OPA1: variants seen among roughly 807,000 people sequenced by gnomAD.
OPA1 encodes dynamin-like GTPase OPA1, mitochondrial.
In OPA1, 59 loss-of-function variants were observed where a neutral mutation model predicts 152.9. The ratio of observed to expected loss-of-function variants is 0.39; its 90% CI spans 0.31 to 0.48. OPA1 has a LOEUF of 0.48. Among genes scored for constraint, OPA1 ranks in the 20% least tolerant of loss-of-function variants. OPA1 has a pLI of 0.96. For synonymous variants in OPA1, 400 were observed against 389.9 expected, an observed-to-expected ratio of 1.03 and a Z score of -0.31; for missense variants, 1,008 against 1,216.8, an observed-to-expected ratio of 0.83 and a Z score of 2.55.
rs1001718459 is a variant in OPA1 at position 193,645,939 on chromosome 3, T to C, written c.1754+139T>C. On this transcript the variant is annotated intron_variant, in intron 18 of 30. Transcript: ENST00000361510. ...AGAATTTTTCCCAAATAGTGAACTG[T>C]ATCTAATAAACAAGTCCTTAGCTAC... 46 of 726,720 alleles carry C rather than the reference T, an allele frequency of 6.3e-5. No individual in the cohort carries two copies. The East Asian group carries it at 1.1e-3, about 17-fold the overall frequency. 45.0% of individuals were successfully genotyped at this position (726,720 alleles called of 1,614,324 possible).
intron 1 of OPA1, among the ~76,000 whole-genome samples, chr3:193,601,470 A>C (rs112686417): frequency 0.03 from 4,588 of 152,286 alleles, 67 homozygotes; most frequent in African/African-American, 0.036. Context: ...CAGGGGTTGG[A>C]AAAGGGGGCC....
intron 7 of OPA1, among the ~76,000 whole-genome samples, chr3:193,630,844 A>T (rs1252597510): frequency 6.6e-6 from 1 of 151,254 alleles, no homozygotes; most frequent in Admixed American, 6.7e-5. Context: ...CCTGTTATAA[A>T]ATAAAATTGT....
intron 29 of OPA1, among the ~76,000 whole-genome samples, chr3:193,677,927 T>C (rs1415606583): frequency 2.6e-5 from 4 of 152,188 alleles, no homozygotes; most frequent in Non-Finnish European, 4.4e-5. Flanking sequence ...TCCTCAGTGG[T>C]TGGGGGATTC....
At chr3:193,644,707 G>GA (rs1385073201) in intron 16 of OPA1, among the ~76,000 whole-genome samples, 1 of 152,142 alleles carries the variant, frequency 6.6e-6, no homozygotes, top group Admixed American at 6.5e-5. Flanking sequence ...CTGATATGGA[G>GA]AAGGGGAGAA....
intron 29 of OPA1, among the ~76,000 whole-genome samples, chr3:193,683,801 T>G (rs763150351): frequency 2.0e-5 from 3 of 152,222 alleles, no homozygotes; most frequent in African/African-American, 4.8e-5. Flanking sequence ...TATTACACAC[T>G]TAATATATTA....
intron 6 of OPA1, among the ~76,000 whole-genome samples, chr3:193,625,658 A>C (rs1168561687): frequency 6.6e-6 from 1 of 152,138 alleles, no homozygotes; most frequent in Non-Finnish European, 1.5e-5. Context: ...ATATCAAGAA[A>C]AAATACTAAC....
At position 193,643,958 on chromosome 3, in the gene OPA1, T is replaced by C. The variant is rs1342219354; in HGVS notation, c.1478-17T>C. 4 of 1,613,126 alleles carry C rather than the reference T, an allele frequency of 2.5e-6. No individual in the cohort carries two copies. In the South Asian group the frequency reaches 4.4e-5, roughly 18 times the overall value. ...ACATCTTAAAATTCCACAGTGTCATTTTTTTATTTTTTTCAGATGGATCTG... is the reference window on the plus strand; with the variant it reads ...ACATCTTAAAATTCCACAGTGTCATCTTTTTATTTTTTTCAGATGGATCTG... On this transcript the variant is annotated splice_polypyrimidine_tract_variant and intron_variant, in intron 15 of 30. Coordinates refer to ENST00000361510, the MANE Select transcript of OPA1 (RefSeq NM_130837.3).
intron 20 of OPA1, 80 bp downstream of exon 20, chr3:193,648,214 A>G (rs996753379): frequency 9.1e-7 from 1 of 1,102,570 alleles, no homozygotes; most frequent in Non-Finnish European, 1.4e-6. Context: ...TGAGAGAAAA[A>G]TCTGATAAGC....
At chr3:193,643,183 A>G in intron 13 of OPA1, 134 bp downstream of exon 13, 1 of 911,408 alleles carries the variant, frequency 1.1e-6, no homozygotes, top group Non-Finnish European at 1.7e-6. Context: ...AAAAATCCAA[A>G]TAATATATCA....
Position 193,676,562 on chromosome 3 carries a change from C to T in OPA1, c.2983+9282C>T, listed in dbSNP as rs1384479033. Among the ~76,000 whole-genome samples, 5 of 152,312 alleles carry T rather than the reference C, an allele frequency of 3.3e-5. No individual in the cohort carries two copies. In the South Asian group the frequency reaches 6.2e-4, roughly 19 times the overall value. The stretch of plus-strand genomic sequence containing the variant: ...TCTCTGTTAGAGAAGTGGTTATTTA[C>T]ACACAGAATTCCACATGACAACGCC... On this transcript the variant is annotated intron_variant, in intron 29 of 30. Transcript: ENST00000361510.
chr3:193,656,321 C>CCACT (rs1263409577), intron 22 of OPA1, among the ~76,000 whole-genome samples: 1 of 152,142 alleles, frequency 6.6e-6, no homozygotes, highest in Non-Finnish European at 1.5e-5. Flanking sequence ...ACTCACCCCA[C>CCACT]CACTCACTCC....
At position 193,696,991 on chromosome 3, in the gene OPA1, T is replaced by C. The variant is rs11719309; in HGVS notation, c.*2391T>C. ...TTGCCCTCTTTGTATTCCCATTTTC[T>C]ACAGTTTTTTCCGCAGACTTCTTTC... On this transcript the variant is annotated 3_prime_UTR_variant, in exon 31 of 31. Coordinates refer to ENST00000361510, the MANE Select transcript of OPA1 (RefSeq NM_130837.3). 70,351 of 151,998 alleles carry C rather than the reference T, an allele frequency of 0.46. 16,651 individuals carry two copies. The highest frequency in any genetic ancestry group is 0.52 in the African/African-American group (21,526 of 41,414). The allele number at this position is 151,998 out of a possible 1,614,324, so 9.4% of individuals were successfully genotyped here.
At chr3:193,664,773 T>C in intron 26 of OPA1, 107 bp from the exon 27 acceptor site, 1 of 730,838 alleles carries the variant, frequency 1.4e-6, no homozygotes, top group Admixed American at 2.3e-5. Context: ...TTGCTTTTGC[T>C]TTTAATTAAC....
At chr3:193,597,656 A>C in intron 1 of OPA1, among the ~76,000 whole-genome samples, 1 of 146,682 alleles carries the variant, frequency 6.8e-6, no homozygotes, top group Non-Finnish European at 1.5e-5. Flanking sequence ...GAGCCACTGC[A>C]CTCCAACCTG....
At position 193,667,261 on chromosome 3, in the gene OPA1, T is replaced by C; in HGVS notation, c.2964T>C (p.Val988=). Residue 988 remains valine, a synonymous_variant, in exon 29 of 31, where the codon GTT becomes GTC. Coordinates refer to ENST00000361510, the MANE Select transcript of OPA1 (RefSeq NM_130837.3). ...TTAAATTGCTTACTGGTAAACGCGT[T>C]CAACTGGCGGAAGACCTCAGTGAGT... The part of the protein sequence containing the change: ...KKIKLLTGKR[V]QLAEDLKKVR... 1 of 1,582,006 alleles carries C rather than the reference T, an allele frequency of 6.3e-7. No individual in the cohort carries two copies. The highest frequency in any genetic ancestry group is 8.7e-7 in the Non-Finnish European group (1 of 1,150,790).
At chr3:193,647,978 G>T in intron 19 of OPA1, 92 bp from the exon 20 acceptor site, 1 of 877,088 alleles carries the variant, frequency 1.1e-6, no homozygotes, top group Admixed American at 1.8e-5. Flanking sequence ...CAGAAATTCA[G>T]TTAATACAGA....
chr3:193,657,021 A>G, intron 22 of OPA1, 59 bp from the exon 23 acceptor site: 2 of 1,431,368 alleles, frequency 1.4e-6, no homozygotes, highest in Non-Finnish European at 1.9e-6. Flanking sequence ...GTTATTTTTC[A>G]TGTTAACCAT....
intron 9 of OPA1, among the ~76,000 whole-genome samples, chr3:193,636,166 G>A (rs6807435): frequency 0.49 from 74,663 of 151,040 alleles, 18,862 homozygotes; most frequent in African/African-American, 0.56. Context: ...ATCATGGCAT[G>A]TACATTCTGT....
chr3:193,606,444 G>C (rs1453427070), intron 1 of OPA1, among the ~76,000 whole-genome samples: 3 of 137,858 alleles, frequency 2.2e-5, no homozygotes, highest in Non-Finnish European at 4.6e-5. Context: ...AGGCCCCAGT[G>C]TGTGATGTTC....
Sources: gnomAD v4.1 joint callset for allele counts (sites outside exome capture counted in the v4.1 genomes callset) on GRCh38, gnomAD v4.1.1 for gene constraint, MANE v1.5 for transcripts, NCBI Gene and HGNC (gene_info 2026-07-23, HGNC 2026-07-21) for gene names.